Variants in LPP observed in about 807,000 individuals in gnomAD.
LPP encodes the protein LIM domain containing preferred translocation partner in lipoma, also known as lipoma-preferred partner.
LPP carries 38 observed loss-of-function variants against 60.4 expected under a neutral mutation model. The ratio of observed to expected loss-of-function variants is 0.63; its 90% CI spans 0.49 to 0.83. LPP has a LOEUF of 0.83. Among genes scored for constraint, LPP ranks in the 40% least tolerant of loss-of-function variants. The probability of loss-of-function intolerance (pLI) is 0.00; values close to 1 mark genes in which losing one functional copy is unlikely to be tolerated. For synonymous variants in LPP, 328 were observed against 290.8 expected (o/e 1.13, Z -1.30); for missense variants, 902 against 783.6 (o/e 1.15, Z -1.80).
chr3:188,714,477 C>T (rs529187681), intron 8 of LPP, among the ~76,000 whole-genome samples: 2 of 152,264 alleles, frequency 1.3e-5, no homozygotes, highest in East Asian at 3.9e-4. Flanking sequence ...TGTAGTTCTT[C>T]TCTTGACCAT....
chr3:188,540,358 A>G (rs929655119), intron 6 of LPP, among the ~76,000 whole-genome samples: 2 of 152,192 alleles, frequency 1.3e-5, no homozygotes, highest in Non-Finnish European at 2.9e-5. Flanking sequence ...GTTGGAGTTG[A>G]TGATATACAA....
chr3:188,191,962 G>A (rs933552192), intron 1 of LPP, among the ~76,000 whole-genome samples: 1 of 152,192 alleles, frequency 6.6e-6, no homozygotes, highest in Non-Finnish European at 1.5e-5. Flanking sequence ...TCTTGAGGAG[G>A]TTTGAGGGTT....
intron 7 of LPP, among the ~76,000 whole-genome samples, chr3:188,639,535 G>A (rs1382181906): frequency 6.6e-6 from 1 of 151,020 alleles, no homozygotes; most frequent in Admixed American, 6.6e-5. Context: ...TTAAACTAAA[G>A]AGCTTCTGCA....
rs1853928733 is a variant in LPP, at chr3:188,658,782, AGTGTTCCAGAAG to A, written c.1113+48943_1113+48954del. On this transcript the variant is annotated intron_variant, in intron 7 of 11. Transcript: ENST00000617246. ...CTGGACATTATCTTCAAGTCCTTGCAGTGTTCCAGAAGGTGTGACAATCTGGTCCTTTGGCTG... is the reference window on the plus strand; with the variant it reads ...CTGGACATTATCTTCAAGTCCTTGCAGTGTGACAATCTGGTCCTTTGGCTG... Among the ~76,000 whole-genome samples, 4 of 152,324 alleles carry A rather than the reference AGTGTTCCAGAAG, an allele frequency of 2.6e-5. No homozygotes were observed. In the South Asian group the frequency reaches 8.3e-4, roughly 32 times the overall value.
At chr3:188,706,454 T>G (rs181110352) in intron 7 of LPP, among the ~76,000 whole-genome samples, 71 of 152,344 alleles carry the variant, frequency 4.7e-4, no homozygotes, top group Admixed American at 7.8e-4. Flanking sequence ...TTTTTGGCCT[T>G]TTCAGCCTTC....
At chr3:188,703,764 T>A (rs1864943800) in intron 7 of LPP, among the ~76,000 whole-genome samples, 1 of 152,214 alleles carries the variant, frequency 6.6e-6, no homozygotes, top group Non-Finnish European at 1.5e-5. Context: ...ACAAAAAGAA[T>A]GATAACGTTT....
chr3:188,481,985 A>G (rs1804902520), intron 4 of LPP, among the ~76,000 whole-genome samples: 1 of 152,122 alleles, frequency 6.6e-6, no homozygotes, highest in Non-Finnish European at 1.5e-5. Flanking sequence ...GTGTCAAGGG[A>G]GGGATCTGGT....
intron 7 of LPP, among the ~76,000 whole-genome samples, chr3:188,662,988 T>C (rs762126574): frequency 3.9e-5 from 6 of 152,260 alleles, no homozygotes; most frequent in Admixed American, 2.0e-4. Flanking sequence ...TAGTATGTTA[T>C]CTGAATTTAA....
chr3:188,635,946 C>T (rs1036144146), intron 7 of LPP, among the ~76,000 whole-genome samples: 5 of 152,176 alleles, frequency 3.3e-5, no homozygotes, highest in African/African-American at 7.2e-5. Context: ...GTTAGAGTCA[C>T]CTGTTTTACC....
intron 7 of LPP, among the ~76,000 whole-genome samples, chr3:188,663,681 C>T (rs1855108000): frequency 6.6e-6 from 1 of 152,172 alleles, no homozygotes; most frequent in South Asian, 2.1e-4. Context: ...GGCAAATGAC[C>T]TTGTAACGCA....
At chr3:188,846,366 G>C (rs1761395138) in intron 9 of LPP, among the ~76,000 whole-genome samples, 1 of 152,162 alleles carries the variant, frequency 6.6e-6, no homozygotes, top group South Asian at 2.1e-4. Flanking sequence ...CATGAAGAGA[G>C]GTGCCAAGGG....
rs113831192 is a variant in LPP, at chr3:188,474,755, C to T, written c.194-9837C>T. The stretch of plus-strand genomic sequence containing the variant: ...TTAGATTTTTGTTTCATTTTTAAAC[C>T]GAGGTAATTTTACTTTTTCGCATTG... On this transcript the variant is annotated intron_variant, in intron 4 of 11. Transcript: ENST00000617246. 1.6e-3 allele frequency among the ~76,000 whole-genome samples: 238 copies of T among 152,114 alleles called. 1 individual carries two copies. The highest frequency in any genetic ancestry group is 5.3e-3 in the African/African-American group (220 of 41,480).
chr3:188,371,905 G>T (rs184340070), intron 3 of LPP, among the ~76,000 whole-genome samples: 1 of 151,194 alleles, frequency 6.6e-6, no homozygotes, highest in Non-Finnish European at 1.5e-5. Flanking sequence ...TGATCCGCCC[G>T]TCTTGGCTTC....
intron 3 of LPP, among the ~76,000 whole-genome samples, chr3:188,405,911 C>T (rs1783375717): frequency 6.6e-6 from 1 of 152,018 alleles, no homozygotes. Context: ...TTTTCCTCTC[C>T]TTCCTCCTTT....
chr3:188,854,395 G>T lies in LPP; in HGVS notation c.1411-11805G>T, dbSNP rs912978750. ...GCTCCTCATGAGGTTTAATTCTCAT[G>T]AATGGGTCCTAGAGCCGACATTTGA... On this transcript the variant is annotated intron_variant, in intron 9 of 11. Coordinates refer to ENST00000617246, the MANE Select transcript of LPP (RefSeq NM_001375462.1). Among the ~76,000 whole-genome samples, 4 of 152,312 alleles carry T rather than the reference G, an allele frequency of 2.6e-5. No homozygotes were observed. In the South Asian group the frequency reaches 6.2e-4, roughly 24 times the overall value.
intron 9 of LPP, among the ~76,000 whole-genome samples, chr3:188,862,948 T>C (rs1765635115): frequency 6.6e-6 from 1 of 152,048 alleles, no homozygotes; most frequent in African/African-American, 2.4e-5. Context: ...GAAGCGTGCA[T>C]CTTTTTGTCT....
intron 6 of LPP, among the ~76,000 whole-genome samples, chr3:188,587,345 G>T (rs1415266071): frequency 3.4e-3 from 1 of 292 alleles, no homozygotes; most frequent in African/African-American, 4.1e-3. Context: ...GCGAGACTCC[G>T]TCTCAAAAAA....
intron 4 of LPP, among the ~76,000 whole-genome samples, chr3:188,474,618 G>C (rs1228055095): frequency 2.0e-5 from 3 of 152,192 alleles, no homozygotes; most frequent in Non-Finnish European, 4.4e-5. Flanking sequence ...GGACTATTCT[G>C]TCAGCACTCT....
chr3:188,579,550 AAAATT>A (rs1560590084), intron 6 of LPP, among the ~76,000 whole-genome samples: 1 of 152,232 alleles, frequency 6.6e-6, no homozygotes, highest in Non-Finnish European at 1.5e-5. Context: ...AAACTACACT[AAAATT>A]AAAGAGCAAT....
Sources: allele counts gnomAD v4.1 joint callset (sites outside exome capture counted in the v4.1 genomes callset), GRCh38; gene constraint gnomAD v4.1.1; transcripts MANE v1.5; gene names NCBI Gene and HGNC (gene_info 2026-07-23, HGNC 2026-07-21).